Variants in PPP3CA observed in about 807,000 individuals in gnomAD.
PPP3CA encodes the protein CAM-PRP catalytic subunit.
Under a neutral mutation model 66.5 loss-of-function variants are expected in PPP3CA, and 14 were observed. That is an observed-to-expected ratio of 0.21 (90% CI 0.14 to 0.33). The LOEUF (loss-of-function observed/expected upper bound fraction) is 0.33, where lower values mean the gene tolerates loss of function less well. Ranked by LOEUF, PPP3CA falls within the 10% of genes least tolerant of loss-of-function variation. The probability of loss-of-function intolerance (pLI) is 1.00; values close to 1 mark genes in which losing one functional copy is unlikely to be tolerated. For synonymous variants in PPP3CA, 232 were observed against 226.2 expected, an observed-to-expected ratio of 1.03 and a Z score of -0.23; for missense variants, 317 against 639.5, an observed-to-expected ratio of 0.50 and a Z score of 5.44.
At chr4:101,322,818 C>G (rs991320167) in intron 1 of PPP3CA, among the ~76,000 whole-genome samples, 1 of 151,768 alleles carries the variant, frequency 6.6e-6, no homozygotes, top group African/African-American at 2.4e-5. Context: ...GTTATAGTAG[C>G]CTGAATGAAC....
At chr4:101,279,999 A>G (rs1307487131) in intron 1 of PPP3CA, among the ~76,000 whole-genome samples, 1 of 152,210 alleles carries the variant, frequency 6.6e-6, no homozygotes, top group Non-Finnish European at 1.5e-5. Context: ...CAACTATAAC[A>G]TCATCGTGGT....
At chr4:101,235,429 A>ACT (rs1446168466) in intron 1 of PPP3CA, among the ~76,000 whole-genome samples, 1 of 107,906 alleles carries the variant, frequency 9.3e-6, no homozygotes, top group Middle Eastern at 4.0e-3. Context: ...CTAAACATAC[A>ACT]CTCACACACA....
intron 2 of PPP3CA, among the ~76,000 whole-genome samples, chr4:101,125,074 G>A (rs926306884): frequency 1.3e-5 from 2 of 152,144 alleles, no homozygotes; most frequent in Non-Finnish European, 2.9e-5. Context: ...AAGCCTCAAA[G>A]CTAATGAAGT....
intron 1 of PPP3CA, among the ~76,000 whole-genome samples, chr4:101,328,920 C>G (rs1729286788): frequency 6.6e-6 from 1 of 152,048 alleles, no homozygotes; most frequent in Admixed American, 6.6e-5. Flanking sequence ...ACCCATCTCT[C>G]TCTGTCTCTC....
intron 3 of PPP3CA, among the ~76,000 whole-genome samples, chr4:101,104,922 G>A (rs1254253857): frequency 1.3e-5 from 2 of 152,058 alleles, no homozygotes; most frequent in East Asian, 3.9e-4. Context: ...TTTAATTAAA[G>A]AGCTGTTTTT....
intron 1 of PPP3CA, among the ~76,000 whole-genome samples, chr4:101,318,187 T>C (rs1290391563): frequency 6.6e-6 from 1 of 152,114 alleles, no homozygotes; most frequent in East Asian, 1.9e-4. Context: ...AACCACAGAA[T>C]GATATAAAAA....
intron 1 of PPP3CA, among the ~76,000 whole-genome samples, chr4:101,201,415 G>A (rs1176314927): frequency 4.6e-5 from 7 of 152,160 alleles, no homozygotes; most frequent in African/African-American, 1.7e-4. Context: ...GATTTAACTG[G>A]TTTAGGGTAG....
At chr4:101,266,204 C>G (rs181475092) in intron 1 of PPP3CA, among the ~76,000 whole-genome samples, 22 of 152,170 alleles carry the variant, frequency 1.4e-4, no homozygotes, top group South Asian at 2.1e-4. Flanking sequence ...ACATCAGTTC[C>G]CATATTCTTA....
intron 2 of PPP3CA, among the ~76,000 whole-genome samples, chr4:101,135,184 CT>C (rs1722577231): frequency 6.6e-6 from 1 of 151,444 alleles, no homozygotes; most frequent in South Asian, 2.1e-4. Flanking sequence ...AAACCTGCAC[CT>C]TCTGCACACG....
chr4:101,310,856 T>TAAATAA (rs1728699536), intron 1 of PPP3CA, among the ~76,000 whole-genome samples: 1 of 152,158 alleles, frequency 6.6e-6, no homozygotes, highest in African/African-American at 2.4e-5. Context: ...ACTTGGCAAT[T>TAAATAA]CACCTAAATG....
At chr4:101,299,117 T>TG in intron 1 of PPP3CA, among the ~76,000 whole-genome samples, 2 of 144,294 alleles carry the variant, frequency 1.4e-5, no homozygotes, top group African/African-American at 2.6e-5. Context: ...TTTTTTTTTT[T>TG]TTTTTTTTTT....
intron 2 of PPP3CA, among the ~76,000 whole-genome samples, chr4:101,153,907 T>C (rs1174747694): frequency 6.6e-6 from 1 of 152,042 alleles, no homozygotes; most frequent in African/African-American, 2.4e-5. Flanking sequence ...TTGTACAGGA[T>C]GTGGATTCTA....
At chr4:101,233,117 A>T (rs899470644) in intron 1 of PPP3CA, among the ~76,000 whole-genome samples, 37 of 151,818 alleles carry the variant, frequency 2.4e-4, no homozygotes, top group Non-Finnish European at 4.6e-4. Flanking sequence ...TAAAGTATAA[A>T]ACAAATTAAT....
chr4:101,044,745 T>G (rs1185363151), intron 10 of PPP3CA, among the ~76,000 whole-genome samples: 3 of 152,160 alleles, frequency 2.0e-5, no homozygotes, highest in African/African-American at 7.2e-5. Flanking sequence ...TTCCTCAACA[T>G]GGGGGAGGCT....
intron 1 of PPP3CA, among the ~76,000 whole-genome samples, chr4:101,286,190 G>A (rs542818462): frequency 6.6e-6 from 1 of 152,294 alleles, no homozygotes; most frequent in East Asian, 1.9e-4. Flanking sequence ...CTGACAGAAG[G>A]CAGAGGAGCT....
intron 8 of PPP3CA, among the ~76,000 whole-genome samples, chr4:101,078,211 A>C (rs780181308): frequency 1.3e-5 from 2 of 152,188 alleles, no homozygotes; most frequent in Non-Finnish European, 2.9e-5. Context: ...ACTTTTGGTA[A>C]ATTATAGGAT....
At chr4:101,279,393 T>G (rs1727610560) in intron 1 of PPP3CA, among the ~76,000 whole-genome samples, 1 of 152,084 alleles carries the variant, frequency 6.6e-6, no homozygotes, top group Non-Finnish European at 1.5e-5. Context: ...CAGGAGGTCC[T>G]AGAGAGTTAG....
chr4:101,271,310 C>T (rs937885946), intron 1 of PPP3CA, among the ~76,000 whole-genome samples: 14 of 152,006 alleles, frequency 9.2e-5, no homozygotes, highest in Non-Finnish European at 1.6e-4. Context: ...GTAATTATTT[C>T]GATTCAACCA....
intron 2 of PPP3CA, among the ~76,000 whole-genome samples, chr4:101,146,216 C>T (rs1722963910): frequency 2.0e-5 from 3 of 152,206 alleles, no homozygotes; most frequent in African/African-American, 7.2e-5. Flanking sequence ...TCCAAAAACA[C>T]CTCAAAGAAC....
Sources: gnomAD v4.1 joint callset for allele counts (sites outside exome capture counted in the v4.1 genomes callset) on GRCh38, gnomAD v4.1.1 for gene constraint, MANE v1.5 for transcripts, NCBI Gene and HGNC (gene_info 2026-07-23, HGNC 2026-07-21) for gene names.